Variants in COX7A2L observed in about 807,000 individuals in gnomAD.
The protein encoded by COX7A2L is cytochrome c oxidase subunit 7A2-like, mitochondrial.
COX7A2L carries 18 observed loss-of-function variants against 14.2 expected under a neutral mutation model. The observed-to-expected ratio is 1.27, with a 90% CI of 0.88 to 1.88. The LOEUF is 1.88. COX7A2L is among the 40% of genes most tolerant of loss of function. The pLI is 0.00. For synonymous variants in COX7A2L, 65 were observed against 57.4 expected (o/e 1.13, Z -0.60); for missense variants, 179 against 138.8 (o/e 1.29, Z -1.46).
chr2:42,361,076 G>T lies in COX7A2L; in HGVS notation c.72+14C>A, dbSNP rs1333483949. ...CCACTTCTCATGTCCGAGCTGGCCA[G>T]GCGCCACTCGTACCTGCGGGCTATA... On this transcript the variant is annotated intron_variant, in intron 1 of 2. Coordinates refer to ENST00000234301, the MANE Select transcript of COX7A2L (RefSeq NM_004718.4). The T allele has an allele frequency of 5.0e-5, 81 of 1,612,850 alleles. No individual in the cohort carries two copies. The highest frequency in any genetic ancestry group is 6.6e-5 in the Non-Finnish European group (78 of 1,179,586).
chr2:42,354,737 T>C (rs1670764123), intron 1 of COX7A2L, among the ~76,000 whole-genome samples: 1 of 152,242 alleles, frequency 6.6e-6, no homozygotes, highest in African/African-American at 2.4e-5. Context: ...TTCTGTAACG[T>C]ATTCATTCAT....
downstream of COX7A2L, among the ~76,000 whole-genome samples, chr2:42,345,797 T>C (rs1670484073): frequency 2.6e-5 from 4 of 152,132 alleles, no homozygotes; most frequent in African/African-American, 9.7e-5. Context: ...AGCACTGTTG[T>C]GAAGAGTAGG....
chr2:42,364,693 A>C (rs1404681853), upstream of COX7A2L, among the ~76,000 whole-genome samples: 1 of 152,182 alleles, frequency 6.6e-6, no homozygotes, highest in Non-Finnish European at 1.5e-5. Flanking sequence ...CAAGCCTGAA[A>C]CCTAGATTAT....
intron 1 of COX7A2L, among the ~76,000 whole-genome samples, chr2:42,357,137 G>C (rs1231263231): frequency 6.6e-6 from 1 of 152,184 alleles, no homozygotes; most frequent in South Asian, 2.1e-4. Context: ...CCCTCTAAAA[G>C]TTGGTTGTAA....
chr2:42,358,231 T>C (rs1319781110), intron 1 of COX7A2L, among the ~76,000 whole-genome samples: 2 of 152,232 alleles, frequency 1.3e-5, no homozygotes, highest in Non-Finnish European at 2.9e-5. Flanking sequence ...TTTGCTCTAA[T>C]AACTGAAAAT....
rs1197410311 is a variant in COX7A2L at position 42,351,294 on chromosome 2, G to C, written c.270C>G (p.Thr90=). The change falls in exon 3 of 3, where the codon ACC becomes ACG. Residue 90 remains threonine (T), a synonymous_variant. Transcript: ENST00000234301. The part of the protein sequence containing the change: ...GLPDQMLYRT[T]MALTVGGTIY... The stretch of plus-strand genomic sequence containing the variant: ...TGGTCCCTCCCACAGTCAGCGCCAT[G>C]GTGGTCCGGTAAAGCATTTGGTCAG... 2.5e-6 allele frequency: 4 copies of C among 1,614,068 alleles called. No homozygotes were observed. The highest frequency in any genetic ancestry group is 3.4e-6 in the Non-Finnish European group (4 of 1,180,034).
chr2:42,356,535 T>C (rs116473524), intron 1 of COX7A2L, among the ~76,000 whole-genome samples: 15 of 152,340 alleles, frequency 9.8e-5, no homozygotes, highest in Middle Eastern at 3.4e-3. Context: ...CAGTGTAGGT[T>C]TGAGTATCTC....
chr2:42,363,897 T>A (rs1671108067), upstream of COX7A2L, among the ~76,000 whole-genome samples: 1 of 152,110 alleles, frequency 6.6e-6, no homozygotes. Flanking sequence ...TGCCGCTGCT[T>A]CTCCATTTGT....
intron 2 of COX7A2L, among the ~76,000 whole-genome samples, chr2:42,340,854 C>T (rs1670389797): frequency 6.6e-6 from 1 of 152,176 alleles, no homozygotes; most frequent in Non-Finnish European, 1.5e-5. Context: ...CTCCATGTCT[C>T]CACTGCGCAG....
chr2:42,336,507 A>T (rs186353891), intron 2 of COX7A2L, among the ~76,000 whole-genome samples: 1 of 152,198 alleles, frequency 6.6e-6, no homozygotes. Flanking sequence ...CAAAGCCTTC[A>T]GCCTGGTCAT....
chr2:42,341,546 C>T (rs938788216), intron 2 of COX7A2L, among the ~76,000 whole-genome samples: 4 of 152,200 alleles, frequency 2.6e-5, no homozygotes, highest in African/African-American at 7.2e-5. Context: ...CTCCTGCTGC[C>T]GTGGGCGCCC....
At chr2:42,349,077 G>C (rs150495557), downstream of COX7A2L, among the ~76,000 whole-genome samples, 6 of 152,126 alleles carry the variant, frequency 3.9e-5, no homozygotes, top group Non-Finnish European at 7.3e-5. Flanking sequence ...ATGTTAAACA[G>C]AGTTACCATA....
intron 2 of COX7A2L, among the ~76,000 whole-genome samples, chr2:42,340,088 G>A (rs1670371193): frequency 6.6e-6 from 1 of 152,062 alleles, no homozygotes. Context: ...TCCTCAGACC[G>A]AATGCTTATG....
downstream of COX7A2L, among the ~76,000 whole-genome samples, chr2:42,346,170 G>T (rs1670494238): frequency 1.3e-5 from 2 of 152,122 alleles, no homozygotes; most frequent in Non-Finnish European, 2.9e-5. Flanking sequence ...CTCTCTCCTG[G>T]AATTAAGGGC....
intron 1 of COX7A2L, among the ~76,000 whole-genome samples, chr2:42,358,414 T>G (rs1207106381): frequency 6.6e-6 from 1 of 152,230 alleles, no homozygotes; most frequent in Non-Finnish European, 1.5e-5. Context: ...TTTTCCATAT[T>G]ATGTTATTTA....
chr2:42,356,025 C>T (rs1670808298), intron 1 of COX7A2L, among the ~76,000 whole-genome samples: 1 of 151,992 alleles, frequency 6.6e-6, no homozygotes, highest in African/African-American at 2.4e-5. Flanking sequence ...CACACCCGGC[C>T]CATTCTGTTT....
intron 2 of COX7A2L, 21 bp downstream of exon 2, chr2:42,353,191 T>C: frequency 1.2e-6 from 2 of 1,611,138 alleles, no homozygotes; most frequent in Non-Finnish European, 1.7e-6. Context: ...GGCTTTTCTG[T>C]TGTAGAGTAT....
upstream of COX7A2L, chr2:42,361,364 C>A: frequency 1.8e-6 from 1 of 552,382 alleles, no homozygotes; most frequent in Non-Finnish European, 3.2e-6. Flanking sequence ...CCACGAAAGG[C>A]AAAACCAGCT....
chr2:42,348,100 A>G (rs1670533418), downstream of COX7A2L, among the ~76,000 whole-genome samples: 1 of 152,240 alleles, frequency 6.6e-6, no homozygotes, highest in South Asian at 2.1e-4. Flanking sequence ...TTCAGCATCA[A>G]AATCAATAAT....
Sources: allele counts gnomAD v4.1 joint callset (sites outside exome capture counted in the v4.1 genomes callset), GRCh38; gene constraint gnomAD v4.1.1; transcripts MANE v1.5; gene names NCBI Gene and HGNC (gene_info 2026-07-23, HGNC 2026-07-21).